HRH1: variants seen among roughly 807,000 people sequenced by gnomAD.
HRH1 encodes histamine H1 receptor.
HRH1 carries 6 observed loss-of-function variants against 10.3 expected under a neutral mutation model. The ratio of observed to expected loss-of-function variants is 0.58; its 90% CI spans 0.32 to 1.15. The LOEUF is 1.15. Ranked by LOEUF, HRH1 falls within the 50% of genes most tolerant of loss-of-function variation. HRH1 has a pLI of 0.05. For synonymous variants in HRH1, 242 were observed against 236.7 expected (o/e 1.02, Z -0.21); for missense variants, 514 against 615.3 (o/e 0.84, Z 1.74).
intron 1 of HRH1, among the ~76,000 whole-genome samples, chr3:11,222,484 T>G (rs1333453314): frequency 6.6e-6 from 1 of 152,150 alleles, no homozygotes; most frequent in Non-Finnish European, 1.5e-5. Context: ...TTATTCCACT[T>G]CCTCCAGCAA....
At chr3:11,236,277 A>C (rs2152576629) in intron 1 of HRH1, among the ~76,000 whole-genome samples, 1 of 152,342 alleles carries the variant, frequency 6.6e-6, no homozygotes, top group South Asian at 2.1e-4. Context: ...AAATACGTAA[A>C]AATTAGCCAG....
chr3:11,260,174 G>A lies in HRH1; in HGVS notation c.1137G>A (p.Gly379=). 1.9e-6 allele frequency: 3 copies of A among 1,614,030 alleles called. No individual in the cohort carries two copies. Among genetic ancestry groups the A allele is most frequent in the Non-Finnish European group, 2.5e-6 (3 of 1,180,018 alleles). Residue 379 remains glycine (G), a synonymous_variant, in exon 2 of 2, where the codon GGG becomes GGA. Transcript: ENST00000431010. ...TAPGKGKLRS[G]SNTGLDYIKF... The stretch of plus-strand genomic sequence containing the variant: ...CAGGCAAAGGCAAATTGAGGAGTGG[G>A]TCTAACACAGGCCTGGATTACATCA...
At chr3:11,233,974 C>T (rs1939107967) in intron 1 of HRH1, among the ~76,000 whole-genome samples, 1 of 152,182 alleles carries the variant, frequency 6.6e-6, no homozygotes, top group Admixed American at 6.5e-5. Flanking sequence ...TGAGCTTATT[C>T]AGCACATGAT....
At chr3:11,181,627 C>CTTTTTTTTTTTTTTT (rs35710248) in intron 1 of HRH1, among the ~76,000 whole-genome samples, 1 of 113,174 alleles carries the variant, frequency 8.8e-6, no homozygotes. Flanking sequence ...ATCCCTTGCT[C>CTTTTTTTTTTTTTTT]TTTTTTTTTT....
chr3:11,188,849 G>A (rs898490321), intron 1 of HRH1, among the ~76,000 whole-genome samples: 22 of 152,190 alleles, frequency 1.4e-4, no homozygotes, highest in African/African-American at 4.6e-4. Context: ...TAGAAGAGAC[G>A]TATGTTAACA....
chr3:11,242,085 A>G (rs1378942147), intron 1 of HRH1, among the ~76,000 whole-genome samples: 2 of 152,192 alleles, frequency 1.3e-5, no homozygotes, highest in African/African-American at 4.8e-5. Context: ...CAGCCAGCAG[A>G]GGCAATCCGC....
chr3:11,217,679 T>G (rs1938558951), intron 1 of HRH1, among the ~76,000 whole-genome samples: 1 of 152,212 alleles, frequency 6.6e-6, no homozygotes, highest in Non-Finnish European at 1.5e-5. Context: ...TACTTAACAT[T>G]GCTGATCTGT....
In HRH1 at chr3:11,259,408, A is replaced by G; in HGVS notation, c.371A>G (p.Asp124Gly). Residue 124 changes from aspartate (D) to glycine (G), a missense_variant, in exon 2 of 2, where the codon GAT becomes GGT. Physicochemically the swap from Asp to Gly is moderately conservative, Grantham distance 94 (BLOSUM62 -1). Transcript: ENST00000431010. The surrounding 1 kb of genome is among the most constrained non-coding windows in gnomAD (Gnocchi z 4.6). Reference sequence around the variant, plus strand: ...TTCAGTGTCTTCATCCTGTGCATTGATCGCTACCGCTCTGTCCAGCAGCCC... The same window carrying G: ...TTCAGTGTCTTCATCCTGTGCATTGGTCGCTACCGCTCTGTCCAGCAGCCC... Reference protein sequence around the residue: ...SIFSVFILCIDRYRSVQQPLR... With the variant: ...SIFSVFILCIGRYRSVQQPLR... The G allele has an allele frequency of 6.2e-7, 1 of 1,613,258 alleles. No individual in the cohort carries two copies. Among genetic ancestry groups the G allele is most frequent in the Non-Finnish European group, 8.5e-7 (1 of 1,179,836 alleles).
At chr3:11,254,264 A>G (rs1172379624) in intron 1 of HRH1, among the ~76,000 whole-genome samples, 1 of 152,134 alleles carries the variant, frequency 6.6e-6, no homozygotes, top group African/African-American at 2.4e-5. Flanking sequence ...CACACTCTTC[A>G]GCTTTTGCTT....
intron 1 of HRH1, among the ~76,000 whole-genome samples, chr3:11,176,415 T>C (rs1282409933): frequency 6.6e-6 from 1 of 152,048 alleles, no homozygotes; most frequent in Non-Finnish European, 1.5e-5. Flanking sequence ...TCCAGATGCC[T>C]CATGGAAGGT....
intron 1 of HRH1, among the ~76,000 whole-genome samples, chr3:11,144,474 C>CGTATAGACATACGTCTATATGT (rs1559249802): frequency 6.7e-6 from 1 of 148,906 alleles, no homozygotes; most frequent in Non-Finnish European, 1.5e-5. Context: ...TACATATAGA[C>CGTATAGACATACGTCTATATGT]ATATATATAC....
chr3:11,164,975 T>G (rs550865579), intron 1 of HRH1, among the ~76,000 whole-genome samples: 1 of 152,308 alleles, frequency 6.6e-6, no homozygotes, highest in South Asian at 2.1e-4. Context: ...ATCATGTGCC[T>G]GCTGTACAGT....
At chr3:11,140,228 T>C (rs1936265624) in intron 1 of HRH1, among the ~76,000 whole-genome samples, 1 of 152,104 alleles carries the variant, frequency 6.6e-6, no homozygotes, top group Non-Finnish European at 1.5e-5. Flanking sequence ...CAGAGAGAAG[T>C]AGTGAAGATT....
chr3:11,193,472 T>G (rs941622738), intron 1 of HRH1, among the ~76,000 whole-genome samples: 1 of 152,234 alleles, frequency 6.6e-6, no homozygotes, highest in Non-Finnish European at 1.5e-5. Context: ...CTCACAGTTC[T>G]GGAGGCTGGG....
At chr3:11,156,999 A>G (rs1008973601) in intron 1 of HRH1, among the ~76,000 whole-genome samples, 3 of 152,260 alleles carry the variant, frequency 2.0e-5, no homozygotes, top group Non-Finnish European at 4.4e-5. Flanking sequence ...TCTGCTAGAC[A>G]CTCAGCAAAC....
intron 1 of HRH1, among the ~76,000 whole-genome samples, chr3:11,142,335 ATTGCCTAAGGACC>A (rs1233972048): frequency 6.6e-6 from 1 of 152,152 alleles, no homozygotes; most frequent in South Asian, 2.1e-4. Context: ...TATTTGCAGA[ATTGCCTAAGGACC>A]TTGCCTATGC....
chr3:11,231,394 G>A (rs541637873), intron 1 of HRH1, among the ~76,000 whole-genome samples: 1 of 152,270 alleles, frequency 6.6e-6, no homozygotes, highest in African/African-American at 2.4e-5. Context: ...TACATGTTTA[G>A]TATTTTAAGA....
intron 1 of HRH1, among the ~76,000 whole-genome samples, chr3:11,214,213 G>T (rs2125036142): frequency 6.6e-6 from 1 of 152,272 alleles, no homozygotes; most frequent in African/African-American, 2.4e-5. Flanking sequence ...AGAGAGGCTG[G>T]TCGGTGCTTT....
At chr3:11,255,488 C>A (rs1191572387) in intron 1 of HRH1, among the ~76,000 whole-genome samples, 3 of 152,108 alleles carry the variant, frequency 2.0e-5, no homozygotes, top group African/African-American at 7.2e-5. Flanking sequence ...CCTTATGAAC[C>A]CCGAAAATCT....
Sources: gnomAD v4.1 joint callset for allele counts (sites outside exome capture counted in the v4.1 genomes callset) on GRCh38, gnomAD v4.1.1 for gene constraint, Gnocchi (gnomAD v3.1) non-coding constraint, MANE v1.5 for transcripts, NCBI Gene and HGNC (gene_info 2026-07-23, HGNC 2026-07-21) for gene names.